Variants in TLL1 observed in about 807,000 individuals in gnomAD.
TLL1 encodes the protein tolloid like 1.
Under a neutral mutation model 128.2 loss-of-function variants are expected in TLL1, and 49 were observed. The ratio of observed to expected loss-of-function variants is 0.38; its 90% confidence interval spans 0.30 to 0.48. TLL1 has a LOEUF of 0.48. Among genes scored for constraint, TLL1 ranks in the 20% least tolerant of loss-of-function variants. The probability of loss-of-function intolerance (pLI) is 0.96; values close to 1 mark genes in which losing one functional copy is unlikely to be tolerated. For missense variants in TLL1, 1,123 were observed against 1,242.0 expected (o/e 0.90, Z 1.44); for synonymous variants, 454 against 418.8 (o/e 1.08, Z -1.03).
intron 1 of TLL1, among the ~76,000 whole-genome samples, chr4:165,951,427 A>C (rs966349767): frequency 6.6e-6 from 1 of 152,022 alleles, no homozygotes; most frequent in African/African-American, 2.4e-5. Context: ...CCCTAACAAA[A>C]AGTCTGTCTT....
intron 1 of TLL1, among the ~76,000 whole-genome samples, chr4:165,904,405 T>C (rs2110859169): frequency 6.6e-6 from 1 of 152,278 alleles, no homozygotes; most frequent in South Asian, 2.1e-4. Context: ...TCTCTTGGCA[T>C]TTGTTCTTAG....
intron 1 of TLL1, among the ~76,000 whole-genome samples, chr4:165,950,135 A>C (rs1274414990): frequency 6.6e-6 from 1 of 152,138 alleles, no homozygotes; most frequent in East Asian, 1.9e-4. Context: ...ATTAATATCA[A>C]ATAAAGAAGA....
At chr4:165,895,411 T>C (rs890193084) in intron 1 of TLL1, among the ~76,000 whole-genome samples, 1 of 151,972 alleles carries the variant, frequency 6.6e-6, no homozygotes, top group Non-Finnish European at 1.5e-5. Context: ...TGCATTAAAA[T>C]ATGTGATTTT....
At chr4:165,878,970 G>T (rs868106961) in intron 1 of TLL1, among the ~76,000 whole-genome samples, 2 of 109,056 alleles carry the variant, frequency 1.8e-5, no homozygotes, top group African/African-American at 7.2e-5. Context: ...ACCTCACTCT[G>T]TCACCAGGCT....
rs909521321 is a variant in TLL1, at chr4:165,873,731, T to A, written c.-174T>A. 4 of 647,800 alleles carry A rather than the reference T, an allele frequency of 6.2e-6. No individual in the cohort carries two copies. Among genetic ancestry groups the A allele is most frequent in the African/African-American group, 5.5e-5 (3 of 54,854 alleles). 40.1% of individuals were successfully genotyped at this position (647,800 alleles called of 1,614,324 possible). ...TGGGGGTAACAGGCAGTGCTTGCCC[T>A]CTCTACTGTCCCGGCGGCATCCACA... On this transcript the variant is annotated 5_prime_UTR_variant, in exon 1 of 21. Transcript: ENST00000061240.
At chr4:165,957,994 A>G (rs1734893966) in intron 1 of TLL1, among the ~76,000 whole-genome samples, 1 of 150,968 alleles carries the variant, frequency 6.6e-6, no homozygotes, top group African/African-American at 2.4e-5. Flanking sequence ...GTTTACTGAG[A>G]ACGATGATTT....
At chr4:165,897,635 A>G (rs896102956) in intron 1 of TLL1, among the ~76,000 whole-genome samples, 1 of 128,230 alleles carries the variant, frequency 7.8e-6, no homozygotes, top group African/African-American at 2.9e-5. Context: ...GTAGCCTTAT[A>G]GTATAGTTTG....
rs1326778029 is a variant in TLL1 at position 166,080,220 on chromosome 4, TAGAG to T, written c.2442+2196_2442+2199del. On this transcript the variant is annotated intron_variant, in intron 18 of 20. Coordinates refer to ENST00000061240, the MANE Select transcript of TLL1 (RefSeq NM_012464.5). ...ACATGGTATTTTCTTTGTGTATTCATAGAGAGAGACAGAGCTCCAGTGTCTCTTA... is the reference window on the plus strand; with the variant it reads ...ACATGGTATTTTCTTTGTGTATTCATAGAGACAGAGCTCCAGTGTCTCTTA... 4.6e-5 allele frequency among the ~76,000 whole-genome samples: 7 copies of T among 152,230 alleles called. No homozygotes were observed. In the East Asian group the frequency reaches 9.7e-4, roughly 21 times the overall value.
At chr4:165,885,887 T>A (rs781600987) in intron 1 of TLL1, among the ~76,000 whole-genome samples, 8 of 152,206 alleles carry the variant, frequency 5.3e-5, no homozygotes, top group Non-Finnish European at 1.2e-4. Context: ...TTAACAGATA[T>A]ATCCTTATAT....
chr4:166,036,309 A>G (rs1738995678), intron 9 of TLL1, among the ~76,000 whole-genome samples: 1 of 152,182 alleles, frequency 6.6e-6, no homozygotes, highest in Non-Finnish European at 1.5e-5. Context: ...ACATCTATTC[A>G]ACGTTGCAAC....
intron 1 of TLL1, among the ~76,000 whole-genome samples, chr4:165,909,638 C>T (rs1732435099): frequency 6.6e-6 from 1 of 152,180 alleles, no homozygotes; most frequent in Non-Finnish European, 1.5e-5. Context: ...TTTGTTGAAA[C>T]ATAACTTCAA....
At chr4:165,894,497 A>C (rs1731577535) in intron 1 of TLL1, among the ~76,000 whole-genome samples, 1 of 152,224 alleles carries the variant, frequency 6.6e-6, no homozygotes, top group Admixed American at 6.5e-5. Flanking sequence ...CATGAATGAA[A>C]GTGAAATAAA....
rs189185247 is a variant in TLL1, at chr4:165,957,953, A to G, written c.170-31428A>G. On this transcript the variant is annotated intron_variant, in intron 1 of 20. Coordinates refer to ENST00000061240, the MANE Select transcript of TLL1 (RefSeq NM_012464.5). The stretch of plus-strand genomic sequence containing the variant: ...TCAATTCCCATCTATGAGTGAGAAC[A>G]TGCGGTGTTTGGTTTTTTGTCCTTG... Among the ~76,000 whole-genome samples the G allele has an allele frequency of 2.2e-3, 326 of 148,774 alleles. 5 individuals carry two copies. The East Asian group carries it at 0.042, about 19-fold the overall frequency.
chr4:166,093,429 T>G (rs1022285552), intron 19 of TLL1, among the ~76,000 whole-genome samples: 6 of 152,304 alleles, frequency 3.9e-5, no homozygotes, highest in Admixed American at 6.5e-5. Context: ...AACATCTCAG[T>G]GGAGTAAAGA....
rs35017995 is a variant in TLL1 at position 165,966,177 on chromosome 4, C to CA, written c.170-23185dup. ...TGGACAACAGAGCAAGACTCCATCT[C>CA]AAAAAAAAAAAAAAAAAAAGAAGGA... On this transcript the variant is annotated intron_variant, in intron 1 of 20. Coordinates refer to ENST00000061240, the MANE Select transcript of TLL1 (RefSeq NM_012464.5). Among the ~76,000 whole-genome samples the CA allele has an allele frequency of 3.2e-3, 370 of 116,202 alleles. 1 individual carries two copies. The highest frequency in any genetic ancestry group is 5.4e-3 in the Non-Finnish European group (303 of 55,888). The allele number at this position is 116,202 out of a possible 152,430, so 76.2% of individuals were successfully genotyped here. A position where few individuals can be genotyped will look rare whatever the true frequency, so the allele number is the denominator to read the frequency against.
chr4:165,992,925 A>G, intron 3 of TLL1, 41 bp downstream of exon 3: 1 of 1,483,546 alleles, frequency 6.7e-7, no homozygotes, highest in Non-Finnish European at 9.4e-7. Flanking sequence ...GACTTGATGT[A>G]CAGTAAATAT....
chr4:165,963,086 A>G (rs1735197634), intron 1 of TLL1, among the ~76,000 whole-genome samples: 2 of 141,878 alleles, frequency 1.4e-5, no homozygotes, highest in East Asian at 2.1e-4. Context: ...AAAAAGTGGT[A>G]GCTAAACATT....
rs1232159428 is a variant in TLL1, at chr4:165,873,691, A to C, written c.-214A>C. 1 of 551,124 alleles carries C rather than the reference A, an allele frequency of 1.8e-6. No individual in the cohort carries two copies. The highest frequency in any genetic ancestry group is 3.1e-5 in the Admixed American group (1 of 31,914). The allele number at this position is 551,124 out of a possible 1,614,324, so 34.1% of individuals were successfully genotyped here. A position where few individuals can be genotyped will look rare whatever the true frequency, so the allele number is the denominator to read the frequency against. On this transcript the variant is annotated 5_prime_UTR_variant, in exon 1 of 21. Coordinates refer to ENST00000061240, the MANE Select transcript of TLL1 (RefSeq NM_012464.5). The stretch of plus-strand genomic sequence containing the variant: ...CCGCCCACCCGTGGGCCCCTAGCCA[A>C]CTTCTCCCTGCGACTGGGGGTAACA...
At chr4:165,982,730 T>G (rs1166363818) in intron 1 of TLL1, among the ~76,000 whole-genome samples, 5 of 108,322 alleles carry the variant, frequency 4.6e-5, no homozygotes, top group Non-Finnish European at 7.4e-5. Flanking sequence ...CATAGAGCAA[T>G]GTATGTAAAA....
Sources: gnomAD v4.1 joint callset for allele counts (sites outside exome capture counted in the v4.1 genomes callset) on GRCh38, gnomAD v4.1.1 for gene constraint, MANE v1.5 for transcripts, NCBI Gene and HGNC (gene_info 2026-07-23, HGNC 2026-07-21) for gene names.